Variants in SNX29 observed in about 807,000 individuals in gnomAD.
The protein encoded by SNX29 is sorting nexin 29.
Under a neutral mutation model 102.1 loss-of-function variants are expected in SNX29, and 78 were observed. The ratio of observed to expected loss-of-function variants is 0.76; its 90% CI spans 0.64 to 0.92. The LOEUF is 0.92. Among genes scored for constraint, SNX29 ranks in the 40% least tolerant of loss-of-function variants. The pLI is 0.00. For missense variants in SNX29, 1,280 were observed against 1,061.7 expected (o/e 1.21, Z -2.86); for synonymous variants, 580 against 414.5 (o/e 1.40, Z -4.85).
At chr16:12,131,388 A>C (rs2054461610) in intron 13 of SNX29, among the ~76,000 whole-genome samples, 1 of 152,234 alleles carries the variant, frequency 6.6e-6, no homozygotes, top group South Asian at 2.1e-4. Context: ...TTCATATACT[A>C]ACATTTTTCT....
At chr16:12,567,676 C>G (rs1447136485) in intron 20 of SNX29, among the ~76,000 whole-genome samples, 1 of 152,168 alleles carries the variant, frequency 6.6e-6, no homozygotes, top group African/African-American at 2.4e-5. Flanking sequence ...GTGAGAGGAT[C>G]ACTTGAGCCC....
intron 14 of SNX29, among the ~76,000 whole-genome samples, chr16:12,226,254 C>T (rs2077608696): frequency 6.6e-6 from 1 of 152,174 alleles, no homozygotes; most frequent in Non-Finnish European, 1.5e-5. Flanking sequence ...ATGTCGTAAC[C>T]AGCAGAGGCC....
chr16:12,208,020 C>T (rs1459733269), intron 14 of SNX29, among the ~76,000 whole-genome samples: 1 of 152,174 alleles, frequency 6.6e-6, no homozygotes, highest in East Asian at 1.9e-4. Context: ...GGAATGATTT[C>T]AGAGTCACAG....
At chr16:12,214,922 T>C (rs2077281787) in intron 14 of SNX29, among the ~76,000 whole-genome samples, 1 of 152,202 alleles carries the variant, frequency 6.6e-6, no homozygotes, top group African/African-American at 2.4e-5. Flanking sequence ...CAAGAAACAT[T>C]AGCCAGGATA....
At chr16:12,056,870 C>A (rs2151243221) in intron 8 of SNX29, among the ~76,000 whole-genome samples, 1 of 152,222 alleles carries the variant, frequency 6.6e-6, no homozygotes, top group East Asian at 1.9e-4. Flanking sequence ...GTCATCCAGG[C>A]TGGAGTGCAG....
intron 11 of SNX29, among the ~76,000 whole-genome samples, chr16:12,094,142 T>C (rs1423881331): frequency 1.3e-5 from 2 of 152,192 alleles, no homozygotes; most frequent in Non-Finnish European, 2.9e-5. Flanking sequence ...GGGGCTATCA[T>C]AGTACCCCTC....
intron 15 of SNX29, among the ~76,000 whole-genome samples, chr16:12,281,204 G>C (rs2151024282): frequency 6.6e-6 from 1 of 152,316 alleles, no homozygotes; most frequent in East Asian, 1.9e-4. Context: ...GTATGCCATT[G>C]TGCCCAGTCC....
intron 19 of SNX29, among the ~76,000 whole-genome samples, chr16:12,518,026 A>T (rs1232112957): frequency 6.6e-6 from 1 of 152,124 alleles, no homozygotes; most frequent in Non-Finnish European, 1.5e-5. Context: ...AGGTGACGTG[A>T]AGAGAGGTTA....
chr16:12,526,175 A>G (rs553004530), intron 20 of SNX29, among the ~76,000 whole-genome samples: 19 of 152,326 alleles, frequency 1.2e-4, no homozygotes, highest in Middle Eastern at 3.4e-3. Flanking sequence ...CTGGGGTAAT[A>G]TAAGAGTTTC....
intron 3 of SNX29, among the ~76,000 whole-genome samples, chr16:12,008,290 A>T (rs2056526616): frequency 6.7e-6 from 1 of 150,100 alleles, no homozygotes; most frequent in African/African-American, 2.5e-5. Flanking sequence ...TTTTTTTGAG[A>T]TGGAGTTTCG....
chr16:12,546,836 G>A (rs989285366), intron 20 of SNX29, among the ~76,000 whole-genome samples: 2 of 152,170 alleles, frequency 1.3e-5, no homozygotes, highest in Admixed American at 6.5e-5. Context: ...AAAATAAAGG[G>A]ATTAAGATTA....
intron 20 of SNX29, among the ~76,000 whole-genome samples, chr16:12,567,697 G>A (rs2079069475): frequency 6.6e-6 from 1 of 152,162 alleles, no homozygotes; most frequent in Non-Finnish European, 1.5e-5. Flanking sequence ...AGGAGATCGA[G>A]GCTGCAGCAA....
chr16:12,569,205 C>T lies in SNX29; in HGVS notation c.*576C>T, dbSNP rs1261121800. 4.6e-6 allele frequency: 1 copy of T among 216,430 alleles called. No homozygotes were observed. Among genetic ancestry groups the T allele is most frequent in the African/African-American group, 2.3e-5 (1 of 44,020 alleles). The allele number at this position is 216,430 out of a possible 1,614,324, so 13.4% of individuals were successfully genotyped here. ...TTAGACACCTGGCACTGTCACAGCT[C>T]ACTTTTCCAGAGGGATATTCCTGTG... On this transcript the variant is annotated 3_prime_UTR_variant, in exon 21 of 21. Transcript: ENST00000566228.
rs987723750 is a variant in SNX29 at position 12,306,149 on chromosome 16, TTG to T, written c.1782+28116_1782+28117del. 7.6e-4 allele frequency among the ~76,000 whole-genome samples: 116 copies of T among 152,200 alleles called. 1 individual carries two copies. The highest frequency in any genetic ancestry group is 5.7e-4 in the Non-Finnish European group (39 of 67,986). ...CTCCATTTCCCTCTTCTTAAACAGT[TTG>T]TGAACAGACTATTTTATTTTAGCAA... On this transcript the variant is annotated intron_variant, in intron 15 of 20. Transcript: ENST00000566228.
chr16:12,463,122 G>T (rs764072357), intron 18 of SNX29, among the ~76,000 whole-genome samples: 2 of 152,178 alleles, frequency 1.3e-5, no homozygotes, highest in African/African-American at 2.4e-5. Flanking sequence ...AGGACGCCAG[G>T]CTCCTGGGCA....
At chr16:12,091,655 C>T (rs1567199078) in intron 11 of SNX29, among the ~76,000 whole-genome samples, 1 of 151,562 alleles carries the variant, frequency 6.6e-6, no homozygotes, top group African/African-American at 2.4e-5. Flanking sequence ...GTGGTGCGTG[C>T]CTGTTGTCCC....
chr16:12,539,754 G>A (rs947116469), intron 20 of SNX29, among the ~76,000 whole-genome samples: 5 of 152,138 alleles, frequency 3.3e-5, no homozygotes, highest in Admixed American at 2.0e-4. Flanking sequence ...ATTTCATCAT[G>A]GTCTTAATTT....
At chr16:12,265,301 G>A (rs1304667196) in intron 14 of SNX29, among the ~76,000 whole-genome samples, 1 of 152,072 alleles carries the variant, frequency 6.6e-6, no homozygotes, top group South Asian at 2.1e-4. Context: ...AGTTTCCATC[G>A]AAGCCTCTGC....
intron 11 of SNX29, among the ~76,000 whole-genome samples, chr16:12,119,644 C>T (rs2053889172): frequency 6.6e-6 from 1 of 152,224 alleles, no homozygotes; most frequent in African/African-American, 2.4e-5. Flanking sequence ...AGAGGCCACA[C>T]CCTGGGAACT....
Sources: allele counts gnomAD v4.1 joint callset (sites outside exome capture counted in the v4.1 genomes callset), GRCh38; gene constraint gnomAD v4.1.1; transcripts MANE v1.5; gene names NCBI Gene and HGNC (gene_info 2026-07-23, HGNC 2026-07-21).